Variants in TBC1D15 observed in about 807,000 individuals in gnomAD.
TBC1D15 encodes TBC1 domain family member 15.
Under a neutral mutation model 95.4 loss-of-function variants are expected in TBC1D15, and 39 were observed. The ratio of observed to expected loss-of-function variants is 0.41; its 90% CI spans 0.32 to 0.53. The LOEUF is 0.53. Among genes scored for constraint, TBC1D15 ranks in the 20% least tolerant of loss-of-function variants. The probability of loss-of-function intolerance (pLI) is 0.29; values close to 1 mark genes in which losing one functional copy is unlikely to be tolerated. For synonymous variants in TBC1D15, 258 were observed against 261.3 expected (o/e 0.99, Z 0.12); for missense variants, 733 against 794.3 (o/e 0.92, Z 0.93).
rs1299752406 is a variant in TBC1D15 at position 71,922,913 on chromosome 12, G to A, written c.1804-70G>A. The A allele has an allele frequency of 5.7e-6, 8 of 1,397,980 alleles. No homozygotes were observed. In the Admixed American group the frequency reaches 1.5e-4, roughly 25 times the overall value. 86.6% of individuals were successfully genotyped at this position (1,397,980 alleles called of 1,614,324 possible). On this transcript the variant is annotated intron_variant, in intron 16 of 16. Transcript: ENST00000485960. ...TCTGGAATCAATGTAGTCTTAAACA[G>A]AAGTGTTACTTTGTGGTTATTTTTC... is the stretch of plus-strand genomic sequence containing the variant.
chr12:71,895,585 T>C (rs56124927), intron 7 of TBC1D15, among the ~76,000 whole-genome samples: 13,584 of 152,154 alleles, frequency 0.089, 689 homozygotes, highest in East Asian at 0.16. Flanking sequence ...ATATTCTCTC[T>C]TTTTAAATAA....
At position 71,919,864 on chromosome 12, in the gene TBC1D15, A is replaced by AT. The variant is rs113682219; in HGVS notation, c.1600-865dup. ...TTTTAAAGGATGAATTAAGAATATT[A>AT]TTACCACATAGCTAGAATAACTCCT... On this transcript the variant is annotated intron_variant, in intron 14 of 16. Coordinates refer to ENST00000485960, the MANE Select transcript of TBC1D15 (RefSeq NM_001146213.3). 6.1e-3 allele frequency among the ~76,000 whole-genome samples: 923 copies of AT among 152,302 alleles called. 4 individuals carry two copies. The highest frequency in any genetic ancestry group is 0.021 in the African/African-American group (889 of 41,576).
At position 71,875,301 on chromosome 12, in the gene TBC1D15, C is replaced by T. The variant is rs569135215; in HGVS notation, c.204+2298C>T. ...AATTTCTCATCAGATGTGTAATTTG[C>T]GGACATTTTTTCCCGTATGGTGGAC... On this transcript the variant is annotated intron_variant, in intron 3 of 16. Transcript: ENST00000485960. Among the ~76,000 whole-genome samples the T allele has an allele frequency of 5.9e-5, 9 of 152,192 alleles. No homozygotes were observed. The South Asian group carries it at 1.0e-3, about 18-fold the overall frequency.
chr12:71,889,034 G>A (rs1592767748), intron 5 of TBC1D15, among the ~76,000 whole-genome samples: 1 of 152,216 alleles, frequency 6.6e-6, no homozygotes, highest in East Asian at 1.9e-4. Context: ...AGGATAATAT[G>A]TAAGTTTTCC....
intron 5 of TBC1D15, among the ~76,000 whole-genome samples, chr12:71,885,704 A>T (rs1896087115): frequency 6.6e-6 from 1 of 152,126 alleles, no homozygotes; most frequent in South Asian, 2.1e-4. Flanking sequence ...CCGCTTTGGG[A>T]GTTCCTGGGA....
intron 4 of TBC1D15, among the ~76,000 whole-genome samples, chr12:71,883,605 G>C (rs1267702798): frequency 1.3e-5 from 2 of 152,096 alleles, no homozygotes; most frequent in Non-Finnish European, 2.9e-5. Flanking sequence ...CATCCATGCA[G>C]GTCAACACTG....
chr12:71,854,200 C>T (rs1888494640), intron 1 of TBC1D15, among the ~76,000 whole-genome samples: 1 of 152,144 alleles, frequency 6.6e-6, no homozygotes, highest in Non-Finnish European at 1.5e-5. Flanking sequence ...AGTCACTATC[C>T]TTCATTGTTT....
At chr12:71,904,915 T>C (rs1238960991) in intron 10 of TBC1D15, among the ~76,000 whole-genome samples, 1 of 152,184 alleles carries the variant, frequency 6.6e-6, no homozygotes, top group Non-Finnish European at 1.5e-5. Context: ...ACCCACTTGA[T>C]GTTAGTGATG....
At chr12:71,891,584 C>T (rs938948396) in intron 5 of TBC1D15, among the ~76,000 whole-genome samples, 2 of 152,084 alleles carry the variant, frequency 1.3e-5, no homozygotes, top group African/African-American at 4.8e-5. Context: ...TACTACTTGT[C>T]CTTTGACTGA....
At chr12:71,842,830 CAA>C (rs58842371) in intron 1 of TBC1D15, among the ~76,000 whole-genome samples, 58 of 84,854 alleles carry the variant, frequency 6.8e-4, no homozygotes, top group African/African-American at 1.3e-3. Flanking sequence ...GACCCTGTCT[CAA>C]AAAAAAAAAA....
chr12:71,845,613 G>A (rs939157205), intron 1 of TBC1D15, among the ~76,000 whole-genome samples: 3 of 152,172 alleles, frequency 2.0e-5, no homozygotes, highest in African/African-American at 4.8e-5. Flanking sequence ...GCTCAGTCTC[G>A]CATTTCCTGG....
At chr12:71,862,740 A>G (rs1163103416) in intron 1 of TBC1D15, among the ~76,000 whole-genome samples, 3 of 152,080 alleles carry the variant, frequency 2.0e-5, no homozygotes, top group Non-Finnish European at 4.4e-5. Flanking sequence ...ATAGTTTATC[A>G]TTGAAGTTTG....
At chr12:71,915,665 G>A (rs1165588512) in intron 12 of TBC1D15, among the ~76,000 whole-genome samples, 1 of 151,940 alleles carries the variant, frequency 6.6e-6, no homozygotes, top group Non-Finnish European at 1.5e-5. Context: ...CATTTTTTGT[G>A]TATGAAGGTT....
In TBC1D15 at chr12:71,875,130, G is replaced by A. The variant is rs547107015; in HGVS notation, c.204+2127G>A. ...ATTTTTGTATTTTTTGTAGAGACAG[G>A]GTTTCAGCATGTTGGCTAGGCTGGT... On this transcript the variant is annotated intron_variant, in intron 3 of 16. Coordinates refer to ENST00000485960, the MANE Select transcript of TBC1D15 (RefSeq NM_001146213.3). 3.6e-3 allele frequency among the ~76,000 whole-genome samples: 543 copies of A among 151,300 alleles called. 4 individuals carry two copies. The highest frequency in any genetic ancestry group is 0.013 in the African/African-American group (527 of 41,196).
At chr12:71,900,892 C>G (rs1483619986) in intron 10 of TBC1D15, among the ~76,000 whole-genome samples, 1 of 152,090 alleles carries the variant, frequency 6.6e-6, no homozygotes, top group Non-Finnish European at 1.5e-5. Flanking sequence ...GGTTCTCTTA[C>G]CACTCCTGTT....
At chr12:71,859,758 C>G (rs1889974672) in intron 1 of TBC1D15, among the ~76,000 whole-genome samples, 1 of 152,112 alleles carries the variant, frequency 6.6e-6, no homozygotes, top group South Asian at 2.1e-4. Flanking sequence ...CAGGCACCTA[C>G]CACCATGCCC....
rs184201065 is a variant in TBC1D15, at chr12:71,906,082, A to T, written c.1184-940A>T. ...GAGACAGGGTTTCGCCATGTTGGCCAAGCTGATCTTGAACTCCTGACCTCA... is the reference window on the plus strand; with the variant it reads ...GAGACAGGGTTTCGCCATGTTGGCCTAGCTGATCTTGAACTCCTGACCTCA... On this transcript the variant is annotated intron_variant, in intron 10 of 16. Coordinates refer to ENST00000485960, the MANE Select transcript of TBC1D15 (RefSeq NM_001146213.3). 5.5e-3 allele frequency among the ~76,000 whole-genome samples: 835 copies of T among 152,206 alleles called. 3 individuals are homozygous for T. The highest frequency in any genetic ancestry group is 9.0e-3 in the Non-Finnish European group (610 of 68,008).
rs781385166 is a variant in TBC1D15 at position 71,920,842 on chromosome 12, C to T, written c.1711C>T (p.Leu571Phe). The T allele has an allele frequency of 1.2e-6, 2 of 1,602,956 alleles. No individual in the cohort carries two copies. Among genetic ancestry groups the T allele is most frequent in the South Asian group, 1.1e-5 (1 of 89,934 alleles). Residue 571 changes from leucine to phenylalanine, a missense_variant, in exon 15 of 17, where the codon CTT becomes TTT. Leu to Phe is a conservative substitution (Grantham distance 22). Coordinates refer to ENST00000485960, the MANE Select transcript of TBC1D15 (RefSeq NM_001146213.3). ...AAAGCATTATGGCTTCAATGAAATA[C>T]TTAAGGTAGTTATTCCTTTAATTCA... ...MEKHYGFNEI[L>F]KHINELSMKI...
chr12:71,920,664 T>C, intron 14 of TBC1D15, 67 bp from the exon 15 acceptor site: 1 of 1,207,100 alleles, frequency 8.3e-7, no homozygotes, highest in Non-Finnish European at 1.2e-6. Context: ...GTGTTCAGAA[T>C]TGTATCTGTG....
Sources: allele counts gnomAD v4.1 joint callset (sites outside exome capture counted in the v4.1 genomes callset), GRCh38; gene constraint gnomAD v4.1.1; transcripts MANE v1.5; gene names NCBI Gene and HGNC (gene_info 2026-07-23, HGNC 2026-07-21).